The following MAP3K1 variants were observed in gnomAD, a reference collection of about 807,000 sequenced individuals.
MAP3K1 encodes mitogen-activated protein kinase kinase kinase 1.
A neutral mutation model predicts 144.2 loss-of-function variants in MAP3K1; 36 were observed. That is an observed-to-expected ratio of 0.25 (90% CI 0.19 to 0.33). MAP3K1 has a LOEUF of 0.33. Ranked by LOEUF, MAP3K1 falls within the 10% of genes least tolerant of loss-of-function variation. The pLI is 1.00. For missense variants in MAP3K1, 1,650 were observed against 1,881.9 expected (o/e 0.88, Z 2.28); for synonymous variants, 718 against 688.7 (o/e 1.04, Z -0.67).
intron 19 of MAP3K1, among the ~76,000 whole-genome samples, chr5:56,891,400 G>A (rs1748548088): frequency 6.6e-6 from 1 of 152,146 alleles, no homozygotes; most frequent in South Asian, 2.1e-4. Flanking sequence ...GTGATTAGGA[G>A]TGGATAGGTG....
Position 56,856,663 on chromosome 5 carries a change from A to G in MAP3K1, c.546A>G (p.Glu182=), listed in dbSNP as rs766636754. ...ACAAGATGGATGATCGTCCAGAGGA[A>G]CGAATGATCAGGGAGAAACTGAAGG... ...GLHKMDDRPE[E]RMIREKLKAT... Residue 182 remains glutamate (E), a synonymous_variant, in exon 2 of 20, where the codon GAA becomes GAG. Coordinates refer to ENST00000399503, the MANE Select transcript of MAP3K1 (RefSeq NM_005921.2). The G allele has an allele frequency of 6.2e-7, 1 of 1,614,040 alleles. No individual in the cohort carries two copies. The highest frequency in any genetic ancestry group is 8.5e-7 in the Non-Finnish European group (1 of 1,179,898).
chr5:56,872,906 T>A lies in MAP3K1; in HGVS notation c.1587T>A (p.Ala529=). The A allele has an allele frequency of 6.2e-7, 1 of 1,614,184 alleles. No individual in the cohort carries two copies. Among genetic ancestry groups the A allele is most frequent in the Non-Finnish European group, 8.5e-7 (1 of 1,180,012 alleles). ...AAACCGTACAGCAGCAGCCTTTGGC[T>A]GGATCACGAAGGAATCAAGAGAGCA... ...QQQTVQQQPL[A]GSRRNQESNF... is the part of the protein sequence containing the mutation. Residue 529 remains alanine, a synonymous_variant, in exon 9 of 20, where the codon GCT becomes GCA. Transcript: ENST00000399503.
chr5:56,865,516 A>G (rs569045041), intron 5 of MAP3K1, 60 bp downstream of exon 5: 1 of 1,011,770 alleles, frequency 9.9e-7, no homozygotes. Flanking sequence ...TATATTCTTA[A>G]AATTTATCCT....
rs754115581 is a variant in MAP3K1 at position 56,886,068 on chromosome 5, G to T, written c.4114+5G>T. The T allele has an allele frequency of 2.5e-6, 4 of 1,610,686 alleles. No homozygotes were observed. Among genetic ancestry groups the T allele is most frequent in the Admixed American group, 1.7e-5 (1 of 59,944 alleles). ...TCATTCACAGAGATGTCAAAGGTGA[G>T]AATTCTTCTAATTATTATCTAGTGA... On this transcript the variant is annotated splice_donor_5th_base_variant and intron_variant, in intron 17 of 19. Transcript: ENST00000399503.
chr5:56,837,774 C>T (rs536523586), intron 1 of MAP3K1, among the ~76,000 whole-genome samples: 1 of 152,326 alleles, frequency 6.6e-6, no homozygotes, highest in African/African-American at 2.4e-5. Flanking sequence ...CCATTTCCGT[C>T]CTCACGGATC....
Position 56,895,066 on chromosome 5 carries a change from A to G in MAP3K1, c.*1386A>G. 4.3e-6 allele frequency: 1 copy of G among 231,706 alleles called. No homozygotes were observed. The allele number at this position is 231,706 out of a possible 1,614,324, so 14.4% of individuals were successfully genotyped here. ...TTTTAGTTTTAACTCTTCAGAAGCC[A>G]GTGTGAAATAGAATTGGTTATTCTC... On this transcript the variant is annotated 3_prime_UTR_variant, in exon 20 of 20. Coordinates refer to ENST00000399503, the MANE Select transcript of MAP3K1 (RefSeq NM_005921.2).
At chr5:56,855,023 T>C in intron 1 of MAP3K1, among the ~76,000 whole-genome samples, 1 of 152,196 alleles carries the variant, frequency 6.6e-6, no homozygotes, top group East Asian at 1.9e-4. Context: ...CTGAGCCTCC[T>C]GGAATACCAA....
chr5:56,824,943 T>TAAA (rs1561162675), intron 1 of MAP3K1, among the ~76,000 whole-genome samples: 13 of 151,522 alleles, frequency 8.6e-5, no homozygotes, highest in South Asian at 2.1e-4. Flanking sequence ...TAAAAAAAAT[T>TAAA]TTTATTTTTT....
At chr5:56,839,180 A>G (rs1164346111) in intron 1 of MAP3K1, among the ~76,000 whole-genome samples, 1 of 152,200 alleles carries the variant, frequency 6.6e-6, no homozygotes, top group Non-Finnish European at 1.5e-5. Flanking sequence ...TCATTAGTGA[A>G]AGGTTGAGTA....
chr5:56,854,451 G>C (rs370978495), intron 1 of MAP3K1, among the ~76,000 whole-genome samples: 2 of 93,488 alleles, frequency 2.1e-5, no homozygotes, highest in South Asian at 3.6e-4. Flanking sequence ...AAAAAAAAAA[G>C]AAAGAAAAAA....
intron 19 of MAP3K1, 43 bp from the exon 20 acceptor site, chr5:56,893,488 G>GT: frequency 6.2e-7 from 1 of 1,607,458 alleles, no homozygotes; most frequent in Non-Finnish European, 8.5e-7. Context: ...TGTATCAGAA[G>GT]TTACAGTTGT....
intron 1 of MAP3K1, among the ~76,000 whole-genome samples, chr5:56,845,047 C>T (rs1414765245): frequency 6.6e-6 from 1 of 152,218 alleles, no homozygotes; most frequent in Non-Finnish European, 1.5e-5. Context: ...ATCCCCTCTT[C>T]TCCTTTAATC....
chr5:56,854,860 G>A (rs1747289339), intron 1 of MAP3K1, among the ~76,000 whole-genome samples: 2 of 152,188 alleles, frequency 1.3e-5, no homozygotes, highest in Non-Finnish European at 2.9e-5. Context: ...ATGCACTGCA[G>A]TTCCACTGTG....
chr5:56,826,378 G>A (rs1214616127), intron 1 of MAP3K1, among the ~76,000 whole-genome samples: 1 of 152,100 alleles, frequency 6.6e-6, no homozygotes, highest in Non-Finnish European at 1.5e-5. Context: ...TGTACATGTA[G>A]TCAGGTCTTT....
chr5:56,859,199 AAC>A (rs113617625), intron 2 of MAP3K1, among the ~76,000 whole-genome samples: 1 of 151,372 alleles, frequency 6.6e-6, no homozygotes, highest in East Asian at 2.0e-4. Flanking sequence ...ATTGTAAAGA[AAC>A]ACACACACAA....
At chr5:56,820,396 A>G in intron 1 of MAP3K1, 1 of 979,024 alleles carries the variant, frequency 1.0e-6, no homozygotes, top group Non-Finnish European at 1.2e-6. Flanking sequence ...ATTATTTTTA[A>G]GGAGAAATTT....
At chr5:56,889,716 ACC>A (rs1748489386) in intron 19 of MAP3K1, among the ~76,000 whole-genome samples, 1 of 151,864 alleles carries the variant, frequency 6.6e-6, no homozygotes, top group Non-Finnish European at 1.5e-5. Flanking sequence ...TTTTGTGTCT[ACC>A]CTCCATTTTC....
At chr5:56,871,699 ACT>A (rs1747857441) in intron 6 of MAP3K1, among the ~76,000 whole-genome samples, 1 of 152,150 alleles carries the variant, frequency 6.6e-6, no homozygotes. Context: ...AAGAAGGTTA[ACT>A]CACACCTACA....
chr5:56,868,798 T>C (rs1397132376), intron 6 of MAP3K1, among the ~76,000 whole-genome samples: 2 of 152,176 alleles, frequency 1.3e-5, no homozygotes, highest in East Asian at 1.9e-4. Context: ...TTAAAAATTA[T>C]GTGGTGGAAG....
Sources: allele counts gnomAD v4.1 joint callset (sites outside exome capture counted in the v4.1 genomes callset), GRCh38; gene constraint gnomAD v4.1.1; transcripts MANE v1.5; gene names NCBI Gene and HGNC (gene_info 2026-07-23, HGNC 2026-07-21).